The following IQGAP2 variants were observed in gnomAD, a reference collection of about 807,000 sequenced individuals.
IQGAP2 encodes ras GTPase-activating-like protein IQGAP2.
Under a neutral mutation model 201.3 loss-of-function variants are expected in IQGAP2, and 173 were observed. The observed-to-expected ratio is 0.86, with a 90% CI of 0.76 to 0.98. IQGAP2 has a LOEUF of 0.98. Ranked by LOEUF, IQGAP2 falls within the 50% of genes least tolerant of loss-of-function variation. The probability of loss-of-function intolerance (pLI) is 0.00; values close to 1 mark genes in which losing one functional copy is unlikely to be tolerated. For missense variants in IQGAP2, 1,687 were observed against 1,864.8 expected, an observed-to-expected ratio of 0.90 and a Z score of 1.76; for synonymous variants, 675 against 673.9, an observed-to-expected ratio of 1.00 and a Z score of -0.03.
At chr5:76,543,284 C>T (rs1170753752) in intron 2 of IQGAP2, among the ~76,000 whole-genome samples, 1 of 152,164 alleles carries the variant, frequency 6.6e-6, no homozygotes, top group Non-Finnish European at 1.5e-5. Flanking sequence ...AGCTCCTGTT[C>T]CCTCAAACCT....
chr5:76,692,835 G>A lies in IQGAP2; in HGVS notation c.3906-520G>A, dbSNP rs541290553. On this transcript the variant is annotated intron_variant, in intron 30 of 35. Coordinates refer to ENST00000274364, the MANE Select transcript of IQGAP2 (RefSeq NM_006633.5). ...CAAGCCTCCACAGCCCACACTGAAC[G>A]TTCGCTCCCACTGGTCTTCAGACTC... Among the ~76,000 whole-genome samples the A allele has an allele frequency of 9.9e-5, 15 of 152,222 alleles. No homozygotes were observed. The East Asian group carries it at 1.2e-3, about 12-fold the overall frequency.
chr5:76,485,163 C>T (rs771777260), intron 2 of IQGAP2, among the ~76,000 whole-genome samples: 27 of 152,030 alleles, frequency 1.8e-4, no homozygotes, highest in Non-Finnish European at 2.8e-4. Flanking sequence ...TATAACACCT[C>T]GAGGTAGGGT....
intron 12 of IQGAP2, chr5:76,609,112 G>A (rs756129369): frequency 1.3e-6 from 2 of 1,535,706 alleles, no homozygotes; most frequent in South Asian, 1.2e-5. Flanking sequence ...TGTATTCTTA[G>A]AAACGCAGCA....
chr5:76,698,352 CT>C (rs1746947338), intron 33 of IQGAP2, among the ~76,000 whole-genome samples: 1 of 152,150 alleles, frequency 6.6e-6, no homozygotes, highest in African/African-American at 2.4e-5. Context: ...CCCACCAGCA[CT>C]AGAATTAAAG....
chr5:76,620,223 A>G (rs1288668740), intron 13 of IQGAP2, among the ~76,000 whole-genome samples: 6 of 152,160 alleles, frequency 3.9e-5, no homozygotes, highest in African/African-American at 1.4e-4. Context: ...ACAGATTGGA[A>G]AGGTAAGAAA....
intron 2 of IQGAP2, chr5:76,510,659 G>T: frequency 1.9e-6 from 1 of 535,610 alleles, no homozygotes; most frequent in East Asian, 5.4e-5. Flanking sequence ...TTTGGGGACT[G>T]CCACCGCTAA....
chr5:76,423,573 A>G (rs905165437), intron 1 of IQGAP2, among the ~76,000 whole-genome samples: 1 of 152,242 alleles, frequency 6.6e-6, no homozygotes, highest in Non-Finnish European at 1.5e-5. Context: ...GTGAGCTGAG[A>G]TCGTGCCACT....
At chr5:76,552,820 C>G (rs1561457924) in intron 2 of IQGAP2, among the ~76,000 whole-genome samples, 1 of 152,170 alleles carries the variant, frequency 6.6e-6, no homozygotes, top group African/African-American at 2.4e-5. Flanking sequence ...TCATCTCCCC[C>G]TGAAAGAGAA....
intron 21 of IQGAP2, among the ~76,000 whole-genome samples, chr5:76,662,260 C>G (rs550413311): frequency 6.6e-6 from 1 of 152,192 alleles, no homozygotes; most frequent in Non-Finnish European, 1.5e-5. Flanking sequence ...GCCACCGGCC[C>G]GTCCTCTCTC....
chr5:76,477,833 T>C (rs1755535107), intron 2 of IQGAP2, among the ~76,000 whole-genome samples: 1 of 151,788 alleles, frequency 6.6e-6, no homozygotes, highest in Non-Finnish European at 1.5e-5. Context: ...CTTGCTAATA[T>C]GTGTGTTTGT....
intron 2 of IQGAP2, among the ~76,000 whole-genome samples, chr5:76,534,805 G>A (rs1194398293): frequency 3.9e-5 from 6 of 152,338 alleles, no homozygotes. Flanking sequence ...TGGGGAAGTA[G>A]CCCAAATCAT....
At chr5:76,440,263 G>A (rs1263098745) in intron 1 of IQGAP2, among the ~76,000 whole-genome samples, 2 of 152,140 alleles carry the variant, frequency 1.3e-5, no homozygotes, top group African/African-American at 2.4e-5. Flanking sequence ...GTTGGTTCAT[G>A]CCTGTAATCC....
chr5:76,674,578 T>G lies in IQGAP2; in HGVS notation c.3396T>G (p.Ser1132=), dbSNP rs754642112. Residue 1132 remains serine (S), a synonymous_variant, in exon 27 of 36, where the codon TCT becomes TCG. Transcript: ENST00000274364. ...IDMTAGGQIN[S]DQRRNLGSVA... is the part of the protein sequence containing the mutation. ...TGACAGCTGGAGGTCAGATAAATTC[T>G]GACCAAAGGAGAAACTTAGGATCAG... 5 of 1,614,018 alleles carry G rather than the reference T, an allele frequency of 3.1e-6. No homozygotes were observed. The African/African-American group carries it at 6.7e-5, about 22-fold the overall frequency.
chr5:76,514,433 T>TTC (rs996433093), intron 2 of IQGAP2, among the ~76,000 whole-genome samples: 2 of 152,198 alleles, frequency 1.3e-5, no homozygotes, highest in Admixed American at 1.3e-4. Flanking sequence ...CTTATCTGTT[T>TTC]TCTCTCTCCC....
intron 1 of IQGAP2, among the ~76,000 whole-genome samples, chr5:76,457,506 A>C (rs1754170252): frequency 6.6e-6 from 1 of 152,188 alleles, no homozygotes; most frequent in Non-Finnish European, 1.5e-5. Flanking sequence ...TTTGTGTTCC[A>C]TCTCCATAAT....
intron 2 of IQGAP2, among the ~76,000 whole-genome samples, chr5:76,538,351 C>G (rs1191123090): frequency 9.4e-6 from 1 of 105,994 alleles, no homozygotes; most frequent in East Asian, 3.4e-4. Context: ...ACAGCCAATC[C>G]ATATCAAGGG....
rs373704383 is a variant in IQGAP2 at position 76,654,215 on chromosome 5, C to G, written c.2194C>G (p.Arg732Gly). The G allele has an allele frequency of 4.4e-6, 7 of 1,608,388 alleles. No individual in the cohort carries two copies. Among genetic ancestry groups the G allele is most frequent in the Non-Finnish European group, 5.9e-6 (7 of 1,176,998 alleles). The change falls in exon 19 of 36, where the codon CGA becomes GGA. Residue 732 changes from arginine to glycine, a missense_variant. Transcript: ENST00000274364. ...AACCTTTCAGATTCAGTCCTGGTTC[C>G]GAATGGCAACTGCAAGAAAGAGCTA... ...DSIVKIQSWF[R>G]MATARKSYLS...
intron 2 of IQGAP2, among the ~76,000 whole-genome samples, chr5:76,496,338 G>C (rs775442259): frequency 6.6e-6 from 1 of 152,214 alleles, no homozygotes; most frequent in African/African-American, 2.4e-5. Flanking sequence ...AAGGCATCTG[G>C]TTCCTTGCTC....
chr5:76,431,547 G>A lies in IQGAP2; in HGVS notation c.46+27956G>A, dbSNP rs975693135. ...AAATTTAAGAATGCCAGTCTTGGCC[G>A]GGCACGGTGGCTCATGCCTGTAATC... On this transcript the variant is annotated intron_variant, in intron 1 of 35. Transcript: ENST00000274364. 2.6e-5 allele frequency among the ~76,000 whole-genome samples: 4 copies of A among 152,084 alleles called. 1 individual carries two copies. Among genetic ancestry groups the A allele is most frequent in the Middle Eastern group, 6.8e-3 (2 of 294 alleles).
Sources: allele counts gnomAD v4.1 joint callset (sites outside exome capture counted in the v4.1 genomes callset), GRCh38; gene constraint gnomAD v4.1.1; transcripts MANE v1.5; gene names NCBI Gene and HGNC (gene_info 2026-07-23, HGNC 2026-07-21).